SLC25A37: variants seen among roughly 807,000 people sequenced by gnomAD.
The protein encoded by SLC25A37 is mitoferrin-1.
Under a neutral mutation model 31.0 loss-of-function variants are expected in SLC25A37, and 17 were observed. That is an observed-to-expected ratio of 0.55 (90% CI 0.38 to 0.82). The LOEUF (loss-of-function observed/expected upper bound fraction) is 0.82. SLC25A37 is among the 40% of genes least tolerant of loss of function. The pLI, the probability that SLC25A37 is intolerant of heterozygous loss-of-function variation, is 0.00. For missense variants in SLC25A37, 404 were observed against 465.8 expected, an observed-to-expected ratio of 0.87 and a Z score of 1.22; for synonymous variants, 222 against 193.0, an observed-to-expected ratio of 1.15 and a Z score of -1.24.
intron 1 of SLC25A37, among the ~76,000 whole-genome samples, chr8:23,532,782 A>AGC (rs1179455097): frequency 5.9e-5 from 9 of 152,184 alleles, no homozygotes. Context: ...AGCTCAGCAG[A>AGC]GCATTACCTC....
At chr8:23,542,773 T>G (rs1346447437) in intron 1 of SLC25A37, among the ~76,000 whole-genome samples, 1 of 145,612 alleles carries the variant, frequency 6.9e-6, no homozygotes, top group Non-Finnish European at 1.5e-5. Context: ...TCACAGGAGG[T>G]GCCAGCTGCA....
rs192425051 is a variant in SLC25A37 at position 23,556,372 on chromosome 8, C to T, written c.211-9736C>T. On this transcript the variant is annotated intron_variant, in intron 1 of 3. Transcript: ENST00000519973. Reference sequence around the variant, plus strand: ...AGTAGCTAAGACCACTGGCACCCACCATGCCTGGCTAATTTTTTTAAAAAA... The same window carrying T: ...AGTAGCTAAGACCACTGGCACCCACTATGCCTGGCTAATTTTTTTAAAAAA... Among the ~76,000 whole-genome samples, 171 of 151,978 alleles carry T rather than the reference C, an allele frequency of 1.1e-3. 2 individuals are homozygous for T. The highest frequency in any genetic ancestry group is 0.01 in the South Asian group (49 of 4,794).
At position 23,571,891 on chromosome 8, in the gene SLC25A37, C is replaced by A; in HGVS notation, c.*36C>A. ...CATAGAATCTTTTCTTAAAGTCATTCTCTGCCTGCATCCAGCCCCTTGCCC... is the reference window on the plus strand; with the variant it reads ...CATAGAATCTTTTCTTAAAGTCATTATCTGCCTGCATCCAGCCCCTTGCCC... On this transcript the variant is annotated 3_prime_UTR_variant, in exon 4 of 4. Coordinates refer to ENST00000519973, the MANE Select transcript of SLC25A37 (RefSeq NM_016612.4). 1.3e-6 allele frequency: 2 copies of A among 1,594,816 alleles called. No individual in the cohort carries two copies. The highest frequency in any genetic ancestry group is 1.1e-5 in the South Asian group (1 of 89,104).
chr8:23,557,975 G>GC (rs539095337), intron 1 of SLC25A37, among the ~76,000 whole-genome samples: 1 of 152,104 alleles, frequency 6.6e-6, no homozygotes, highest in Admixed American at 6.5e-5. Flanking sequence ...TCAGCCCTGG[G>GC]CCCCCCTGGA....
intron 1 of SLC25A37, among the ~76,000 whole-genome samples, chr8:23,544,127 T>C (rs534514060): frequency 8.5e-5 from 13 of 152,348 alleles, no homozygotes; most frequent in Non-Finnish European, 1.6e-4. Flanking sequence ...CCCAAAGTGC[T>C]GGGATTACAG....
intron 1 of SLC25A37, among the ~76,000 whole-genome samples, chr8:23,533,159 C>G (rs1801695270): frequency 1.3e-5 from 2 of 152,092 alleles, no homozygotes; most frequent in Admixed American, 1.3e-4. Flanking sequence ...TTTCATGAAC[C>G]CCCAGGCAGC....
At chr8:23,536,020 T>C (rs79008064) in intron 1 of SLC25A37, among the ~76,000 whole-genome samples, 2,367 of 152,226 alleles carry the variant, frequency 0.016, 26 homozygotes, top group Middle Eastern at 0.027. Flanking sequence ...GTTGTAAGAA[T>C]TAAATGAGGC....
rs144725097 is a variant in SLC25A37, at chr8:23,567,022, C to T, written c.439+686C>T. Reference sequence around the variant, plus strand: ...GGTGCAAATCTGCCAGCAGCTCTTACGTAAGGCATGTTTTATTGGGGAGGG... The same window carrying T: ...GGTGCAAATCTGCCAGCAGCTCTTATGTAAGGCATGTTTTATTGGGGAGGG... On this transcript the variant is annotated intron_variant, in intron 2 of 3. Transcript: ENST00000519973. The T allele has an allele frequency of 4.3e-3, 707 of 163,346 alleles. 4 individuals carry two copies. The highest frequency in any genetic ancestry group is 7.4e-3 in the Non-Finnish European group (578 of 78,496). The allele number at this position is 163,346 out of a possible 1,614,324, so 10.1% of individuals were successfully genotyped here. A position where few individuals can be genotyped will look rare whatever the true frequency, so the allele number is the denominator to read the frequency against.
intron 1 of SLC25A37, among the ~76,000 whole-genome samples, chr8:23,546,353 G>A (rs1802037583): frequency 6.6e-6 from 1 of 151,598 alleles, no homozygotes; most frequent in Admixed American, 6.6e-5. Flanking sequence ...TGTGTGGGGA[G>A]AAGGGTTATC....
At chr8:23,554,209 C>T (rs1187208852) in intron 1 of SLC25A37, among the ~76,000 whole-genome samples, 3 of 152,182 alleles carry the variant, frequency 2.0e-5, no homozygotes, top group African/African-American at 7.2e-5. Flanking sequence ...GCTAATATTG[C>T]TGTTTTTATT....
chr8:23,529,124 C>T lies in SLC25A37; in HGVS notation c.122C>T (p.Thr41Ile). ...TCGGAGGACTACGAGAACCTGCCGA[C>T]TAGCGCCTCCGTGTCCACCCACATG... ...TGSEDYENLP[T>I]SASVSTHMTA... The change falls in exon 1 of 4, where the codon ACT becomes ATT. Residue 41 changes from threonine to isoleucine, a missense_variant. Thr to Ile is a moderately conservative substitution (Grantham distance 89). Coordinates refer to ENST00000519973, the MANE Select transcript of SLC25A37 (RefSeq NM_016612.4). This position sits in a 1 kb window ranked among gnomAD's most constrained non-coding sequence, Gnocchi z 4.1. 6.2e-7 allele frequency: 1 copy of T among 1,611,370 alleles called. No individual in the cohort carries two copies. Among genetic ancestry groups the T allele is most frequent in the Non-Finnish European group, 8.5e-7 (1 of 1,179,184 alleles).
In SLC25A37 at chr8:23,574,819, C is replaced by T. The variant is rs8534; in HGVS notation, c.*2964C>T. ...TGACCAATTCAGTGTAACCTTTGCA[C>T]GTACTCAGTCATTGGTGTCTTTGGA... On this transcript the variant is annotated 3_prime_UTR_variant, in exon 4 of 4. Coordinates refer to ENST00000519973, the MANE Select transcript of SLC25A37 (RefSeq NM_016612.4). 52,110 of 155,184 alleles carry T rather than the reference C, an allele frequency of 0.34. 9,075 individuals are homozygous for T. The highest frequency in any genetic ancestry group is 0.37 in the Non-Finnish European group (25,162 of 68,292). 9.6% of individuals were successfully genotyped at this position (155,184 alleles called of 1,614,324 possible).
rs537175266 is a variant in SLC25A37 at position 23,575,317 on chromosome 8, C to T, written c.*3462C>T. The T allele has an allele frequency of 1.3e-5, 2 of 152,130 alleles. No homozygotes were observed. 9.4% of individuals were successfully genotyped at this position (152,130 alleles called of 1,614,324 possible). On this transcript the variant is annotated 3_prime_UTR_variant, in exon 4 of 4. Coordinates refer to ENST00000519973, the MANE Select transcript of SLC25A37 (RefSeq NM_016612.4). ...GTTATTTCTTAAATTTCTCAAATGC[C>T]TGTAGTAACTATTGTTTCTGCCTCT...
chr8:23,553,198 A>G (rs1802274919), intron 1 of SLC25A37, among the ~76,000 whole-genome samples: 1 of 152,288 alleles, frequency 6.6e-6, no homozygotes. Flanking sequence ...AGGTGGGTGG[A>G]TCACCTGAGG....
At chr8:23,560,094 T>C (rs963942858) in intron 1 of SLC25A37, among the ~76,000 whole-genome samples, 5 of 151,916 alleles carry the variant, frequency 3.3e-5, no homozygotes, top group African/African-American at 1.2e-4. Context: ...CTGAGCAACA[T>C]AGTAAGACCC....
chr8:23,542,870 A>G (rs1363516957), intron 1 of SLC25A37, among the ~76,000 whole-genome samples: 1 of 151,986 alleles, frequency 6.6e-6, no homozygotes, highest in Non-Finnish European at 1.5e-5. Context: ...TTTAAGAAAA[A>G]AGTTTAAAAA....
chr8:23,556,257 CT>C (rs1328876885), intron 1 of SLC25A37, among the ~76,000 whole-genome samples: 1 of 143,790 alleles, frequency 7.0e-6, no homozygotes, highest in Non-Finnish European at 1.5e-5. Flanking sequence ...GCAACAGAGT[CT>C]TTCTCAGGCT....
intron 1 of SLC25A37, among the ~76,000 whole-genome samples, chr8:23,555,145 CA>C: frequency 6.6e-6 from 1 of 152,314 alleles, no homozygotes; most frequent in East Asian, 1.9e-4. Context: ...CTTCCGGCCA[CA>C]GGTCCTCATT....
intron 1 of SLC25A37, among the ~76,000 whole-genome samples, chr8:23,533,857 AC>A: frequency 6.6e-6 from 1 of 152,188 alleles, no homozygotes; most frequent in South Asian, 2.1e-4. Flanking sequence ...TGGCTTTGCC[AC>A]TCCCATGCCC....
Sources: allele counts gnomAD v4.1 joint callset (sites outside exome capture counted in the v4.1 genomes callset), GRCh38; gene constraint gnomAD v4.1.1; non-coding constraint Gnocchi (gnomAD v3.1); transcripts MANE v1.5; gene names NCBI Gene and HGNC (gene_info 2026-07-23, HGNC 2026-07-21).